Variants in MTF1 observed in about 807,000 individuals in gnomAD.
MTF1 encodes the protein metal regulatory transcription factor 1.
Under a neutral mutation model 70.4 loss-of-function variants are expected in MTF1, and 22 were observed. The observed-to-expected ratio is 0.31, with a 90% CI of 0.22 to 0.45. The LOEUF is 0.45. Among genes scored for constraint, MTF1 ranks in the 20% least tolerant of loss-of-function variants. The pLI is 1.00. For missense variants in MTF1, 649 were observed against 922.0 expected (o/e 0.70, Z 3.83); for synonymous variants, 333 against 352.8 (o/e 0.94, Z 0.63).
In MTF1 at chr1:37,815,656, G is replaced by C; in HGVS notation, c.1832-90C>G. Reference sequence around the variant, plus strand: ...GATACATGGACTAGGTGAGAGCAGAGTGCCATGGGAACCATGGGAAGGATG... The same window carrying C: ...GATACATGGACTAGGTGAGAGCAGACTGCCATGGGAACCATGGGAAGGATG... On this transcript the variant is annotated intron_variant, in intron 10 of 10. Transcript: ENST00000373036. This position sits in a 1 kb window ranked among gnomAD's most constrained non-coding sequence, Gnocchi z 4.5. 9.7e-7 allele frequency: 1 copy of C among 1,033,196 alleles called. No homozygotes were observed. The highest frequency in any genetic ancestry group is 1.4e-6 in the Non-Finnish European group (1 of 713,722). The allele number at this position is 1,033,196 out of a possible 1,614,324, so 64.0% of individuals were successfully genotyped here.
intron 2 of MTF1, among the ~76,000 whole-genome samples, chr1:37,851,327 A>G (rs1377614529): frequency 6.6e-6 from 1 of 152,266 alleles, no homozygotes; most frequent in Non-Finnish European, 1.5e-5. Flanking sequence ...CAAAGTGCTC[A>G]TAATATCCTT....
intron 3 of MTF1, 85 bp downstream of exon 3, chr1:37,839,835 A>G (rs1161120593): frequency 9.2e-7 from 1 of 1,083,688 alleles, no homozygotes; most frequent in Non-Finnish European, 1.4e-6. Context: ...GAAAGTGAAA[A>G]CAACTCCTCT....
At position 37,835,116 on chromosome 1, in the gene MTF1, T is replaced by C; in HGVS notation, c.953A>G (p.His318Arg). ...SHMKGHDNKG[H>R]SYNALPQHNG... ...GTGTTGTGGAAGTGCATTGTATGAG[T>C]GTCCTTTGTTATCATGACCTTTCAT... Residue 318 changes from histidine (H) to arginine (R), a missense_variant, in exon 6 of 11, where the codon CAC (histidine) becomes CGC (arginine). His to Arg is a conservative substitution (Grantham distance 29). Transcript: ENST00000373036. 1.9e-6 allele frequency: 3 copies of C among 1,614,170 alleles called. No individual in the cohort carries two copies. Among genetic ancestry groups the C allele is most frequent in the Non-Finnish European group, 2.5e-6 (3 of 1,179,996 alleles).
Position 37,854,587 on chromosome 1 carries a change from C to T in MTF1, c.408+2664G>A, listed in dbSNP as rs907304156. Among the ~76,000 whole-genome samples, 9 of 152,152 alleles carry T rather than the reference C, an allele frequency of 5.9e-5. No homozygotes were observed. In the East Asian group the frequency reaches 1.5e-3, roughly 26 times the overall value. On this transcript the variant is annotated intron_variant, in intron 2 of 10. Transcript: ENST00000373036. ...AACATCTCCTGAGGGCAAAGCTGCC[C>T]GCAGTTAAGAAGCACTACTCTAGAA...
In MTF1 at chr1:37,823,724, T is replaced by A; in HGVS notation, c.1157A>T (p.Asp386Val). The A allele has an allele frequency of 6.2e-7, 1 of 1,613,654 alleles. No homozygotes were observed. Among genetic ancestry groups the A allele is most frequent in the Non-Finnish European group, 8.5e-7 (1 of 1,179,556 alleles). ...GTGTGACAAACCTGTCTGTTGAGGA[T>A]CTTCCTGAATTGCCGTATCATCTGA... ...QNSDDTAIQE[D>V]PQQTASLTES... The change falls in exon 8 of 11, where the codon GAT (aspartate) becomes GTT (valine). Residue 386 changes from aspartate to valine, a missense_variant. By Grantham distance (152) the Asp-to-Val change is radical (BLOSUM62 -3). Around this residue, in one of 7 missense-constraint regions of MTF1, gnomAD observed 267 missense variants for 292.1 expected, o/e 0.91. Transcript: ENST00000373036.
At chr1:37,834,360 G>A (rs1172363873) in intron 6 of MTF1, among the ~76,000 whole-genome samples, 1 of 144,834 alleles carries the variant, frequency 6.9e-6, no homozygotes, top group Non-Finnish European at 1.5e-5. Context: ...CAGGTGGGGT[G>A]GCTCATGCCT....
At chr1:37,854,241 T>G (rs1641457508) in intron 2 of MTF1, among the ~76,000 whole-genome samples, 1 of 152,224 alleles carries the variant, frequency 6.6e-6, no homozygotes, top group Non-Finnish European at 1.5e-5. Context: ...ACTCCTGACC[T>G]CAGGTGATCC....
At position 37,840,324 on chromosome 1, in the gene MTF1, G is replaced by A. The variant is rs112818938; in HGVS notation, c.409-166C>T. Among the ~76,000 whole-genome samples, 4 of 152,086 alleles carry A rather than the reference G, an allele frequency of 2.6e-5. No homozygotes were observed. Among genetic ancestry groups the A allele is most frequent in the African/African-American group, 9.7e-5 (4 of 41,404 alleles). On this transcript the variant is annotated intron_variant, in intron 2 of 10. Coordinates refer to ENST00000373036, the MANE Select transcript of MTF1 (RefSeq NM_005955.3). The surrounding 1 kb of genome is among the most constrained non-coding windows in gnomAD (Gnocchi z 4.5). ...AGCAAAGTGGAAAAACCTTATTGTT[G>A]ATCAAATCATACCTGGACAACACAT...
At chr1:37,846,738 A>T (rs1007673292) in intron 2 of MTF1, among the ~76,000 whole-genome samples, 5 of 152,156 alleles carry the variant, frequency 3.3e-5, no homozygotes, top group African/African-American at 4.8e-5. Context: ...GCAAAAATTT[A>T]AAAAAATTAG....
chr1:37,820,129 G>T (rs1318411130), intron 9 of MTF1, among the ~76,000 whole-genome samples: 2 of 152,132 alleles, frequency 1.3e-5, no homozygotes, highest in South Asian at 2.1e-4. Context: ...AATGACTCTA[G>T]CTATCTAGAA....
intron 6 of MTF1, 152 bp downstream of exon 6, chr1:37,834,927 T>C: frequency 1.3e-6 from 1 of 777,582 alleles, no homozygotes; most frequent in East Asian, 2.5e-5. Flanking sequence ...AGTAGGTGGT[T>C]AAATACACAA....
chr1:37,832,416 G>T, intron 6 of MTF1, 94 bp from the exon 7 acceptor site: 1 of 766,146 alleles, frequency 1.3e-6, no homozygotes, highest in Non-Finnish European at 2.2e-6. Flanking sequence ...AGTCCCTAAT[G>T]TTCCACATGT....
chr1:37,839,106 C>T (rs1047060272), intron 3 of MTF1, among the ~76,000 whole-genome samples: 16 of 152,186 alleles, frequency 1.1e-4, no homozygotes, highest in African/African-American at 3.6e-4. Context: ...GCCTGGCCTC[C>T]CTTTGTCATA....
intron 2 of MTF1, among the ~76,000 whole-genome samples, chr1:37,855,511 T>G (rs547311782): frequency 5.9e-5 from 9 of 152,308 alleles, no homozygotes; most frequent in African/African-American, 9.6e-5. Flanking sequence ...AAAAGTGATA[T>G]GCCATCAATA....
chr1:37,840,430 C>T lies in MTF1; in HGVS notation c.409-272G>A, dbSNP rs531689645. 22 of 533,632 alleles carry T rather than the reference C, an allele frequency of 4.1e-5. No homozygotes were observed. Among genetic ancestry groups the T allele is most frequent in the Admixed American group, 1.2e-4 (5 of 41,358 alleles). The allele number at this position is 533,632 out of a possible 1,614,324, so 33.1% of individuals were successfully genotyped here. On this transcript the variant is annotated intron_variant, in intron 2 of 10. Transcript: ENST00000373036. This position sits in a 1 kb window ranked among gnomAD's most constrained non-coding sequence, Gnocchi z 4.5. ...TAAGAATGTTTTCAGACTCTATATA[C>T]ATCTACCCACTAAAAGTACACTATA...
At chr1:37,832,348 G>A (rs747520789) in intron 6 of MTF1, 26 bp from the exon 7 acceptor site, 19 of 1,510,982 alleles carry the variant, frequency 1.3e-5, no homozygotes. Flanking sequence ...AATTCTAATT[G>A]AGTAACAAAA....
rs752064595 is a variant in MTF1 at position 37,815,152 on chromosome 1, C to T, written c.2246G>A (p.Ser749Asn). ...LQGEEEMGLT[S>N]SFSK ...ATGGGCCCTTCACTTGGAGAAGCTG[C>T]TGGTGAGGCCCATCTCCTCCTCCCC... Residue 749 changes from serine (S) to asparagine (N), a missense_variant, in exon 11 of 11, where the codon AGC (serine) becomes AAC (asparagine). Transcript: ENST00000373036. The surrounding 1 kb of genome is among the most constrained non-coding windows in gnomAD (Gnocchi z 4.5). 1 of 1,614,088 alleles carries T rather than the reference C, an allele frequency of 6.2e-7. No homozygotes were observed. Among genetic ancestry groups the T allele is most frequent in the Non-Finnish European group, 8.5e-7 (1 of 1,179,958 alleles).
At chr1:37,854,260 T>C (rs779572953) in intron 2 of MTF1, among the ~76,000 whole-genome samples, 33 of 152,218 alleles carry the variant, frequency 2.2e-4, no homozygotes, top group Admixed American at 1.4e-3. Context: ...CCACCAGCCT[T>C]GGCCTCCCAA....
At chr1:37,832,399 A>G in intron 6 of MTF1, 77 bp from the exon 7 acceptor site, 2 of 910,026 alleles carry the variant, frequency 2.2e-6, no homozygotes, top group South Asian at 2.8e-5. Flanking sequence ...AAAACATTTG[A>G]TTACAAAGTC....
Sources: allele counts gnomAD v4.1 joint callset (sites outside exome capture counted in the v4.1 genomes callset), GRCh38; gene constraint gnomAD v4.1.1; regional missense constraint gnomAD v4.1.1; non-coding constraint Gnocchi (gnomAD v3.1); transcripts MANE v1.5; gene names NCBI Gene and HGNC (gene_info 2026-07-23, HGNC 2026-07-21).